Variants in ELP4 observed in about 807,000 individuals in gnomAD.
The protein encoded by ELP4 is elongator complex protein 4.
ELP4 carries 51 observed loss-of-function variants against 48.9 expected under a neutral mutation model. The ratio of observed to expected loss-of-function variants is 1.04; its 90% CI spans 0.83 to 1.32. The LOEUF (loss-of-function observed/expected upper bound fraction) is 1.32. Among genes scored for constraint, ELP4 ranks in the 40% most tolerant of loss-of-function variants. The pLI, the probability that ELP4 is intolerant of heterozygous loss-of-function variation, is 0.00. For synonymous variants in ELP4, 210 were observed against 189.2 expected, an observed-to-expected ratio of 1.11 and a Z score of -0.90; for missense variants, 519 against 514.6, an observed-to-expected ratio of 1.01 and a Z score of -0.08.
intron 5 of ELP4, among the ~76,000 whole-genome samples, chr11:31,623,842 A>C (rs770134459): frequency 6.8e-6 from 1 of 147,906 alleles, no homozygotes; most frequent in African/African-American, 2.4e-5. Context: ...CAAAATATTA[A>C]GGAACTCAAA....
Position 31,688,776 on chromosome 11 carries a change from G to A in ELP4, c.1143+38555G>A, listed in dbSNP as rs1946213008. On this transcript the variant is annotated intron_variant, in intron 9 of 9. Coordinates refer to ENST00000640961, the MANE Select transcript of ELP4 (RefSeq NM_019040.5). ...GTGAACAGTATGTAGAAGTGCCTTT[G>A]AGATAGGAAATTGTGAGAGTCCCTA... is the stretch of plus-strand genomic sequence containing the variant. Among the ~76,000 whole-genome samples, 4 of 152,152 alleles carry A rather than the reference G, an allele frequency of 2.6e-5. No individual in the cohort carries two copies. The South Asian group carries it at 8.3e-4, about 32-fold the overall frequency.
chr11:31,774,967 C>T (rs1270424648), intron 9 of ELP4, among the ~76,000 whole-genome samples: 2 of 152,180 alleles, frequency 1.3e-5, no homozygotes. Context: ...TGTCTTTTTG[C>T]TATGCCCTCC....
At chr11:31,695,404 T>G (rs1946379006) in intron 9 of ELP4, among the ~76,000 whole-genome samples, 1 of 152,204 alleles carries the variant, frequency 6.6e-6, no homozygotes, top group Non-Finnish European at 1.5e-5. Context: ...TTTCTGCATC[T>G]ATTGAGATAA....
chr11:31,671,989 G>A (rs968453003), intron 9 of ELP4, among the ~76,000 whole-genome samples: 1 of 152,052 alleles, frequency 6.6e-6, no homozygotes, highest in Non-Finnish European at 1.5e-5. Context: ...GTTGTAAGCA[G>A]GAACTGGCTT....
chr11:31,524,753 T>G (rs1418602075), intron 2 of ELP4, among the ~76,000 whole-genome samples: 1 of 152,198 alleles, frequency 6.6e-6, no homozygotes, highest in African/African-American at 2.4e-5. Context: ...AGCTATATTA[T>G]TCTTCTACAT....
intron 9 of ELP4, among the ~76,000 whole-genome samples, chr11:31,724,760 T>C (rs1947039474): frequency 6.6e-6 from 1 of 152,238 alleles, no homozygotes; most frequent in African/African-American, 2.4e-5. Flanking sequence ...TTTGATTTGT[T>C]CTTATTGTGG....
At chr11:31,741,016 C>A (rs568793902) in intron 9 of ELP4, among the ~76,000 whole-genome samples, 3 of 152,244 alleles carry the variant, frequency 2.0e-5, no homozygotes, top group African/African-American at 7.2e-5. Flanking sequence ...CAGACGGCAC[C>A]TGGAAAATCG....
chr11:31,751,789 C>T (rs1014385115), intron 9 of ELP4, among the ~76,000 whole-genome samples: 3 of 152,148 alleles, frequency 2.0e-5, no homozygotes, highest in Admixed American at 1.3e-4. Context: ...ATGCCTGGTA[C>T]CTAAAAATGC....
intron 9 of ELP4, among the ~76,000 whole-genome samples, chr11:31,747,810 G>A (rs1430049420): frequency 6.6e-6 from 1 of 152,202 alleles, no homozygotes; most frequent in Non-Finnish European, 1.5e-5. Flanking sequence ...GTAGTGTGTG[G>A]CAACAGAGAT....
intron 5 of ELP4, among the ~76,000 whole-genome samples, chr11:31,617,206 T>A (rs566060398): frequency 3.9e-5 from 6 of 152,246 alleles, no homozygotes; most frequent in African/African-American, 1.4e-4. Context: ...ATATACCATA[T>A]AATGAAATGT....
intron 6 of ELP4, among the ~76,000 whole-genome samples, chr11:31,631,945 T>C (rs1278317884): frequency 1.3e-5 from 2 of 152,130 alleles, no homozygotes; most frequent in African/African-American, 4.8e-5. Flanking sequence ...ATATAATTCT[T>C]AGAGTTGTTG....
At chr11:31,570,789 T>TC (rs1957181251) in intron 3 of ELP4, among the ~76,000 whole-genome samples, 2 of 133,394 alleles carry the variant, frequency 1.5e-5, no homozygotes, top group Non-Finnish European at 3.1e-5. Flanking sequence ...AACTGTAAAC[T>TC]CTTTTTTTTT....
At chr11:31,585,683 T>TA (rs1386078628) in intron 3 of ELP4, among the ~76,000 whole-genome samples, 2 of 152,024 alleles carry the variant, frequency 1.3e-5, no homozygotes, top group African/African-American at 4.8e-5. Context: ...CATGAGTAGA[T>TA]AAAAAGAATA....
At chr11:31,733,225 C>A (rs1329241690) in intron 9 of ELP4, among the ~76,000 whole-genome samples, 1 of 151,910 alleles carries the variant, frequency 6.6e-6, no homozygotes, top group African/African-American at 2.4e-5. Flanking sequence ...CCTGTAATCT[C>A]AGCAATTTGG....
At chr11:31,635,095 A>G (rs569961094) in intron 7 of ELP4, among the ~76,000 whole-genome samples, 32 of 152,138 alleles carry the variant, frequency 2.1e-4, no homozygotes, top group African/African-American at 5.3e-4. Flanking sequence ...AGGAGAAAAT[A>G]TAAAACTTGT....
At position 31,520,098 on chromosome 11, in the gene ELP4, A is replaced by G. The variant is rs768804650; in HGVS notation, c.259+7A>G. ...GGAACAGTTCTTCTAATTGGTTAGT[A>G]CAAAATACATGCTTTGCTCTCCTCT... On this transcript the variant is annotated splice_region_variant and intron_variant, in intron 2 of 9. Transcript: ENST00000640961. 1.2e-6 allele frequency: 2 copies of G among 1,609,576 alleles called. No individual in the cohort carries two copies. The highest frequency in any genetic ancestry group is 3.4e-5 in the Admixed American group (2 of 59,070).
chr11:31,657,697 A>G (rs1592197382), intron 9 of ELP4, among the ~76,000 whole-genome samples: 1 of 152,072 alleles, frequency 6.6e-6, no homozygotes, highest in African/African-American at 2.4e-5. Flanking sequence ...ACTATTTCAC[A>G]TATTTAATAA....
intron 1 of ELP4, among the ~76,000 whole-genome samples, chr11:31,517,103 G>A (rs1253468392): frequency 1.3e-5 from 2 of 151,998 alleles, no homozygotes; most frequent in African/African-American, 2.4e-5. Flanking sequence ...TATTCTAGGC[G>A]CATGTATGTT....
intron 3 of ELP4, among the ~76,000 whole-genome samples, chr11:31,572,880 A>C (rs1957211000): frequency 6.6e-6 from 1 of 151,914 alleles, no homozygotes; most frequent in African/African-American, 2.4e-5. Flanking sequence ...TGGTGCACAC[A>C]TGTAGTCCTA....
Sources: gnomAD v4.1 joint callset for allele counts (sites outside exome capture counted in the v4.1 genomes callset) on GRCh38, gnomAD v4.1.1 for gene constraint, MANE v1.5 for transcripts, NCBI Gene and HGNC (gene_info 2026-07-23, HGNC 2026-07-21) for gene names.